MBNL2: variants seen among roughly 807,000 people sequenced by gnomAD.
MBNL2 encodes muscleblind like splicing regulator 2.
MBNL2 carries 17 observed loss-of-function variants against 41.9 expected under a neutral mutation model. The observed-to-expected ratio is 0.41, with a 90% confidence interval of 0.28 to 0.61. The LOEUF (loss-of-function observed/expected upper bound fraction) is 0.61, where lower values mean the gene tolerates loss of function less well. Among genes scored for constraint, MBNL2 ranks in the 20% least tolerant of loss-of-function variants. The pLI is 0.35. For missense variants in MBNL2, 336 were observed against 505.6 expected (o/e 0.66, Z 3.22); for synonymous variants, 195 against 182.9 (o/e 1.07, Z -0.53).
chr13:97,233,782 G>A (rs1320113636), intron 1 of MBNL2, among the ~76,000 whole-genome samples: 1 of 151,736 alleles, frequency 6.6e-6, no homozygotes, highest in African/African-American at 2.4e-5. Flanking sequence ...AGAGAGCTTT[G>A]GTCCTTTTAA....
chr13:97,274,850 C>A (rs1238239922), intron 1 of MBNL2, among the ~76,000 whole-genome samples: 2 of 152,218 alleles, frequency 1.3e-5, no homozygotes, highest in East Asian at 3.8e-4. Context: ...TTAACTCCAG[C>A]ATTCCATACT....
intron 1 of MBNL2, among the ~76,000 whole-genome samples, chr13:97,237,018 G>A (rs1347759934): frequency 1.3e-5 from 2 of 152,162 alleles, no homozygotes; most frequent in African/African-American, 4.8e-5. Context: ...TTTTCTGGCG[G>A]TGTAGCCCTA....
the MBNL2 span, among the ~76,000 whole-genome samples, chr13:97,169,460 T>C: frequency 1.3e-4 from 20 of 152,346 alleles, no homozygotes; most frequent in Admixed American, 9.1e-4. Context: ...ACTTCCTCCA[T>C]GTGTCCCCAA....
chr13:97,159,869 T>G, the MBNL2 span, among the ~76,000 whole-genome samples: 1 of 151,746 alleles, frequency 6.6e-6, no homozygotes, highest in African/African-American at 2.4e-5. Flanking sequence ...CTGACAATTA[T>G]GTGTCTTGGA....
At chr13:97,353,557 T>C (rs1753997460) in intron 5 of MBNL2, among the ~76,000 whole-genome samples, 2 of 152,202 alleles carry the variant, frequency 1.3e-5, no homozygotes, top group Admixed American at 1.3e-4. Flanking sequence ...TTTTGATTCA[T>C]TAGATCCTTA....
At chr13:97,368,102 A>C (rs2064013968) in intron 8 of MBNL2, among the ~76,000 whole-genome samples, 1 of 152,164 alleles carries the variant, frequency 6.6e-6, no homozygotes, top group African/African-American at 2.4e-5. Context: ...TTTATTACAA[A>C]GTCCTTTTAT....
At chr13:97,378,408 A>G (rs907758394) in intron 8 of MBNL2, among the ~76,000 whole-genome samples, 3 of 152,228 alleles carry the variant, frequency 2.0e-5, no homozygotes, top group Non-Finnish European at 2.9e-5. Context: ...GTTTAACTTT[A>G]AAGAGTGGGA....
chr13:97,274,720 C>T (rs1397680683), intron 1 of MBNL2, among the ~76,000 whole-genome samples: 1 of 151,980 alleles, frequency 6.6e-6, no homozygotes, highest in East Asian at 1.9e-4. Context: ...CATGCTTGTC[C>T]CAGTAACTGG....
chr13:97,166,640 G>A, the MBNL2 span, among the ~76,000 whole-genome samples: 3 of 152,112 alleles, frequency 2.0e-5, no homozygotes, highest in Non-Finnish European at 4.4e-5. Context: ...TTTCTCCAGT[G>A]CTGGATGCTT....
chr13:97,291,004 A>C (rs2055834156), intron 2 of MBNL2, among the ~76,000 whole-genome samples: 1 of 152,128 alleles, frequency 6.6e-6, no homozygotes, highest in South Asian at 2.1e-4. Flanking sequence ...GAAACTGTGT[A>C]GGTGTTTGAA....
chr13:97,338,564 C>G (rs1403915091), intron 3 of MBNL2, among the ~76,000 whole-genome samples: 1 of 152,162 alleles, frequency 6.6e-6, no homozygotes, highest in African/African-American at 2.4e-5. Context: ...GAAAAGTCCC[C>G]TTCATTTATT....
At chr13:97,225,463 A>C (rs1213618170) in intron 1 of MBNL2, among the ~76,000 whole-genome samples, 2 of 152,228 alleles carry the variant, frequency 1.3e-5, no homozygotes, top group Non-Finnish European at 2.9e-5. Flanking sequence ...GAAAAGGTGG[A>C]TAACTACAAG....
chr13:97,355,802 T>C (rs2062933137), intron 5 of MBNL2, among the ~76,000 whole-genome samples: 1 of 152,362 alleles, frequency 6.6e-6, no homozygotes, highest in South Asian at 2.1e-4. Context: ...TTGCTATTTT[T>C]AGCTGTTGTA....
At chr13:97,291,128 G>A (rs1394581976) in intron 2 of MBNL2, among the ~76,000 whole-genome samples, 1 of 152,022 alleles carries the variant, frequency 6.6e-6, no homozygotes, top group Non-Finnish European at 1.5e-5. Context: ...CCAGGTGGTT[G>A]GTTAAAAAAA....
the MBNL2 span, among the ~76,000 whole-genome samples, chr13:97,168,929 T>C: frequency 6.6e-6 from 1 of 152,282 alleles, no homozygotes; most frequent in African/African-American, 2.4e-5. Context: ...CCATGTTACA[T>C]AGGAGGTATC....
At chr13:97,338,530 T>A (rs1372643123) in intron 3 of MBNL2, among the ~76,000 whole-genome samples, 1 of 152,206 alleles carries the variant, frequency 6.6e-6, no homozygotes, top group African/African-American at 2.4e-5. Flanking sequence ...CTGACAACCC[T>A]TCTGTCTCAA....
chr13:97,316,371 A>G (rs1387587325), intron 2 of MBNL2, among the ~76,000 whole-genome samples: 1 of 152,202 alleles, frequency 6.6e-6, no homozygotes, highest in Non-Finnish European at 1.5e-5. Flanking sequence ...ATTCTCACAC[A>G]GTAGCCAGAG....
At chr13:97,389,781 T>TA (rs764111367) in intron 8 of MBNL2, among the ~76,000 whole-genome samples, 13 of 152,000 alleles carry the variant, frequency 8.6e-5, no homozygotes, top group Non-Finnish European at 1.8e-4. Flanking sequence ...ACTTTTTTTT[T>TA]AAAAGTAAAA....
At chr13:97,205,481 C>T in the MBNL2 span, among the ~76,000 whole-genome samples, 1 of 152,184 alleles carries the variant, frequency 6.6e-6, no homozygotes, top group African/African-American at 2.4e-5. Context: ...GAGTGTTCTC[C>T]TTGAACTTCT....
Sources: allele counts gnomAD v4.1 joint callset (sites outside exome capture counted in the v4.1 genomes callset), GRCh38; gene constraint gnomAD v4.1.1; transcripts MANE v1.5; gene names NCBI Gene and HGNC (gene_info 2026-07-23, HGNC 2026-07-21).